The following DSN1 variants were observed in gnomAD, a reference collection of about 807,000 sequenced individuals.
DSN1 encodes kinetochore-associated protein DSN1 homolog.
In DSN1, 31 loss-of-function variants were observed where a neutral mutation model predicts 45.7. The observed-to-expected ratio is 0.68, with a 90% CI of 0.51 to 0.92. The LOEUF (loss-of-function observed/expected upper bound fraction) is 0.92, where lower values mean the gene tolerates loss of function less well. Ranked by LOEUF, DSN1 falls within the 40% of genes least tolerant of loss-of-function variation. The pLI, the probability that DSN1 is intolerant of heterozygous loss-of-function variation, is 0.00. For missense variants in DSN1, 394 were observed against 414.2 expected, an observed-to-expected ratio of 0.95 and a Z score of 0.42; for synonymous variants, 134 against 142.3, an observed-to-expected ratio of 0.94 and a Z score of 0.41.
chr20:36,764,337 T>C (rs1987196093), intron 5 of DSN1, among the ~76,000 whole-genome samples: 1 of 152,182 alleles, frequency 6.6e-6, no homozygotes, highest in Non-Finnish European at 1.5e-5. Context: ...TAATTAGTTA[T>C]CAGGATAATC....
At position 36,766,663 on chromosome 20, in the gene DSN1, G is replaced by A. The variant is rs1385679713; in HGVS notation, c.502+106C>T. The A allele has an allele frequency of 4.1e-6, 4 of 985,636 alleles. No individual in the cohort carries two copies. In the East Asian group the frequency reaches 1.0e-4, roughly 25 times the overall value. The allele number at this position is 985,636 out of a possible 1,614,324, so 61.1% of individuals were successfully genotyped here. ...GTGAGACTCTGTCTAAAAAACAAAA[G>A]GTGGGGGAGCTAGTTTTATAAGGGA... On this transcript the variant is annotated intron_variant, in intron 5 of 10. Coordinates refer to ENST00000373750, the MANE Select transcript of DSN1 (RefSeq NM_001145315.2).
chr20:36,762,968 G>A (rs924241159), intron 5 of DSN1, among the ~76,000 whole-genome samples: 6 of 152,120 alleles, frequency 3.9e-5, no homozygotes, highest in African/African-American at 1.2e-4. Flanking sequence ...TGTCTAGGCT[G>A]GTCTCCAGTT....
rs199604524 is a variant in DSN1, at chr20:36,768,232, TA to T, written c.356-191del. Among the ~76,000 whole-genome samples the T allele has an allele frequency of 4.3e-3, 631 of 145,442 alleles. 1 individual carries two copies. Among genetic ancestry groups the T allele is most frequent in the East Asian group, 0.02 (100 of 5,018 alleles). On this transcript the variant is annotated intron_variant, in intron 3 of 10. Coordinates refer to ENST00000373750, the MANE Select transcript of DSN1 (RefSeq NM_001145315.2). ...GTTTACCCATTTGTTCATCTAAACT[TA>T]AAAAAAAAAAAGTTATAAGAATCTT...
chr20:36,758,517 T>C (rs1360737301), intron 7 of DSN1, 41 bp downstream of exon 7: 9 of 1,551,634 alleles, frequency 5.8e-6, no homozygotes, highest in Non-Finnish European at 8.8e-7. Flanking sequence ...TTTCCCCAGA[T>C]GGGAGAACGA....
chr20:36,764,274 T>C (rs1479324058), intron 5 of DSN1, among the ~76,000 whole-genome samples: 1 of 152,006 alleles, frequency 6.6e-6, no homozygotes, highest in Non-Finnish European at 1.5e-5. Context: ...CTGCTAGACT[T>C]GAAGAGTCCA....
chr20:36,752,845 C>T lies in DSN1; in HGVS notation c.1014G>A (p.Lys338=). 1 of 1,614,188 alleles carries T rather than the reference C, an allele frequency of 6.2e-7. No homozygotes were observed. Among genetic ancestry groups the T allele is most frequent in the Non-Finnish European group, 8.5e-7 (1 of 1,180,042 alleles). The change falls in exon 11 of 11, where the codon AAG becomes AAA. Residue 338 remains lysine, a synonymous_variant. Transcript: ENST00000373750. The part of the protein sequence containing the change: ...LDPSPARKLL[K]LQLQNPPAIH... ...TGGCAGGTGGGTTCTGTAGCTGAAG[C>T]TTCAACAGTTTTCGAGCTGGTGAGG...
chr20:36,754,986 C>T, intron 9 of DSN1, 136 bp from the exon 10 acceptor site: 1 of 693,538 alleles, frequency 1.4e-6, no homozygotes, highest in Non-Finnish European at 2.4e-6. Context: ...CCAGATAATT[C>T]TGTTTGTTCC....
Position 36,771,480 on chromosome 20 carries a change from A to T in DSN1, c.-15-7T>A. 6.2e-7 allele frequency: 1 copy of T among 1,613,158 alleles called. No individual in the cohort carries two copies. The highest frequency in any genetic ancestry group is 8.5e-7 in the Non-Finnish European group (1 of 1,179,356). The stretch of plus-strand genomic sequence containing the variant: ...TCATCCTAGGTGGTAAACTCTGAAA[A>T]TAGGAAAATGGAAGTGATCTGTTCT... On this transcript the variant is annotated splice_polypyrimidine_tract_variant and splice_region_variant and intron_variant, in intron 1 of 10. Coordinates refer to ENST00000373750, the MANE Select transcript of DSN1 (RefSeq NM_001145315.2).
At chr20:36,759,812 G>A (rs981455800) in intron 6 of DSN1, among the ~76,000 whole-genome samples, 3 of 152,046 alleles carry the variant, frequency 2.0e-5, no homozygotes, top group African/African-American at 7.2e-5. Context: ...CTAAGCTGTA[G>A]GTAATAAATA....
At position 36,771,064 on chromosome 20, in the gene DSN1, A is replaced by G; in HGVS notation, c.164T>C (p.Leu55Pro). The G allele has an allele frequency of 6.2e-7, 1 of 1,614,206 alleles. No individual in the cohort carries two copies. Among genetic ancestry groups the G allele is most frequent in the Non-Finnish European group, 8.5e-7 (1 of 1,180,028 alleles). Residue 55 changes from leucine (L) to proline (P), a missense_variant, in exon 3 of 11, where the codon CTT (leucine) becomes CCT (proline). Transcript: ENST00000373750. ...TCCCCCTTTTTTAGGGCTAGAGCCA[A>G]GGTGAATTCTTTCCTCTGAAACGCC... ...NQGVSEERIH[L>P]GSSPKKGGNC...
chr20:36,770,549 G>C (rs1186456086), intron 3 of DSN1, among the ~76,000 whole-genome samples: 2 of 152,156 alleles, frequency 1.3e-5, no homozygotes, highest in Non-Finnish European at 2.9e-5. Context: ...ATTTATTTGT[G>C]GCAGCTAATA....
At chr20:36,756,801 A>G (rs1986700383) in intron 8 of DSN1, among the ~76,000 whole-genome samples, 1 of 152,180 alleles carries the variant, frequency 6.6e-6, no homozygotes. Flanking sequence ...GCTTTGCCAC[A>G]AAAGATTTTA....
intron 5 of DSN1, among the ~76,000 whole-genome samples, chr20:36,763,129 C>A (rs887978996): frequency 6.6e-6 from 1 of 152,082 alleles, no homozygotes; most frequent in Non-Finnish European, 1.5e-5. Context: ...TGAGGCTGGG[C>A]GGGGTGGCTC....
chr20:36,755,958 A>G, intron 8 of DSN1, 129 bp from the exon 9 acceptor site: 1 of 1,097,770 alleles, frequency 9.1e-7, no homozygotes, highest in East Asian at 2.5e-5. Context: ...ACTTCTTAAC[A>G]GAAAGGTTTT....
chr20:36,768,508 T>A (rs1325410170), intron 3 of DSN1, among the ~76,000 whole-genome samples: 1 of 152,214 alleles, frequency 6.6e-6, no homozygotes, highest in Non-Finnish European at 1.5e-5. Flanking sequence ...TTGCAGTAGC[T>A]GAGATTACAG....
intron 1 of DSN1, 126 bp from the exon 2 acceptor site, chr20:36,771,599 C>CTCTT: frequency 1.3e-6 from 1 of 749,638 alleles, no homozygotes; most frequent in Non-Finnish European, 2.2e-6. Context: ...TATCCACCTC[C>CTCTT]CTGACAGAGA....
intron 8 of DSN1, among the ~76,000 whole-genome samples, chr20:36,756,226 C>T (rs1316177720): frequency 6.6e-6 from 1 of 152,104 alleles, no homozygotes; most frequent in African/African-American, 2.4e-5. Flanking sequence ...GTGATCTGCC[C>T]GCTTCGGCCT....
Position 36,772,277 on chromosome 20 carries a change from C to G in DSN1, c.-15-804G>C, listed in dbSNP as rs138133307. ...TTTTTCTACCTCCAACGGCCCGTCTCCAGTCTATTCTTTGTTTTTGTTTTT... is the reference window on the plus strand; with the variant it reads ...TTTTTCTACCTCCAACGGCCCGTCTGCAGTCTATTCTTTGTTTTTGTTTTT... On this transcript the variant is annotated intron_variant, in intron 1 of 10. Coordinates refer to ENST00000373750, the MANE Select transcript of DSN1 (RefSeq NM_001145315.2). Among the ~76,000 whole-genome samples the G allele has an allele frequency of 6.3e-4, 82 of 130,458 alleles. 1 individual carries two copies. In the East Asian group the frequency reaches 0.017, roughly 27 times the overall value. 85.6% of individuals were successfully genotyped at this position (130,458 alleles called of 152,430 possible).
At chr20:36,773,589 G>A in intron 1 of DSN1, 73 bp downstream of exon 1, 1 of 985,746 alleles carries the variant, frequency 1.0e-6, no homozygotes, top group Non-Finnish European at 1.2e-6. Context: ...AGATTAGTGC[G>A]GCGGCGGGCG....
Sources: allele counts gnomAD v4.1 joint callset (sites outside exome capture counted in the v4.1 genomes callset), GRCh38; gene constraint gnomAD v4.1.1; transcripts MANE v1.5; gene names NCBI Gene and HGNC (gene_info 2026-07-23, HGNC 2026-07-21).